DLG2: variants seen among roughly 807,000 people sequenced by gnomAD.
DLG2 encodes the protein discs large MAGUK scaffold protein 2, also known as disks large homolog 2.
In DLG2, 45 loss-of-function variants were observed where a neutral mutation model predicts 132.5. That is an observed-to-expected ratio of 0.34 (90% CI 0.27 to 0.44). The LOEUF (loss-of-function observed/expected upper bound fraction) is 0.44. Among genes scored for constraint, DLG2 ranks in the 20% least tolerant of loss-of-function variants. The pLI is 1.00. For synonymous variants in DLG2, 424 were observed against 419.6 expected, an observed-to-expected ratio of 1.01 and a Z score of -0.13; for missense variants, 1,045 against 1,196.9, an observed-to-expected ratio of 0.87 and a Z score of 1.87.
chr11:83,700,418 G>A (rs2082723223), intron 18 of DLG2, among the ~76,000 whole-genome samples: 1 of 152,148 alleles, frequency 6.6e-6, no homozygotes, highest in South Asian at 2.1e-4. Context: ...CCTAGGTCAT[G>A]CAGCTCTATT....
At chr11:84,366,117 G>A (rs1055367982) in intron 7 of DLG2, among the ~76,000 whole-genome samples, 9 of 152,094 alleles carry the variant, frequency 5.9e-5, no homozygotes, top group South Asian at 4.2e-4. Context: ...CGGATCTCTC[G>A]GCAGAAACTC....
chr11:84,098,519 G>T (rs1333346413), intron 10 of DLG2, among the ~76,000 whole-genome samples: 1 of 152,070 alleles, frequency 6.6e-6, no homozygotes, highest in Non-Finnish European at 1.5e-5. Flanking sequence ...CCCTATAAAT[G>T]GTTGCCGAAT....
intron 7 of DLG2, among the ~76,000 whole-genome samples, chr11:84,470,260 T>C (rs563598283): frequency 6.6e-6 from 1 of 151,814 alleles, no homozygotes; most frequent in South Asian, 2.1e-4. Flanking sequence ...GGTGATAGAA[T>C]TGGTAAGGAT....
At chr11:84,446,561 C>A (rs1452063575) in intron 7 of DLG2, among the ~76,000 whole-genome samples, 1 of 143,580 alleles carries the variant, frequency 7.0e-6, no homozygotes, top group Non-Finnish European at 1.5e-5. Flanking sequence ...AGTTTCATAT[C>A]AATTTTTTTT....
chr11:83,629,297 A>G (rs2063168772), intron 19 of DLG2, among the ~76,000 whole-genome samples: 1 of 152,180 alleles, frequency 6.6e-6, no homozygotes, highest in South Asian at 2.1e-4. Context: ...ATGTTTGATG[A>G]AGGTCTGAAT....
At chr11:85,468,580 A>G (rs1298460318) in intron 3 of DLG2, among the ~76,000 whole-genome samples, 1 of 152,206 alleles carries the variant, frequency 6.6e-6, no homozygotes, top group Admixed American at 6.5e-5. Context: ...CCCAGTAGTC[A>G]CACAGGAGCA....
intron 6 of DLG2, among the ~76,000 whole-genome samples, chr11:84,824,824 A>G (rs1378954064): frequency 6.6e-6 from 1 of 151,838 alleles, no homozygotes; most frequent in African/African-American, 2.4e-5. Context: ...AGACGCCCAC[A>G]GTGCATGTGT....
chr11:83,588,046 G>A (rs181146027), intron 19 of DLG2, among the ~76,000 whole-genome samples: 2,539 of 152,258 alleles, frequency 0.017, 60 homozygotes, highest in African/African-American at 0.059. Flanking sequence ...AGGCGGCAGC[G>A]AGGCTAGGGG....
intron 6 of DLG2, chr11:84,923,453 G>C: frequency 2.1e-6 from 2 of 970,002 alleles, no homozygotes; most frequent in South Asian, 4.9e-5. Flanking sequence ...GAAGGAGGGG[G>C]GAATGAGCTC....
At chr11:83,802,848 G>T (rs1459785373) in intron 17 of DLG2, among the ~76,000 whole-genome samples, 1 of 152,126 alleles carries the variant, frequency 6.6e-6, no homozygotes, top group African/African-American at 2.4e-5. Flanking sequence ...GTTACACAGT[G>T]AATTGATAAC....
intron 6 of DLG2, among the ~76,000 whole-genome samples, chr11:84,848,896 T>C (rs774026582): frequency 1.3e-5 from 2 of 152,230 alleles, no homozygotes; most frequent in Non-Finnish European, 2.9e-5. Context: ...TTTTCCACAC[T>C]GACTCAGGAC....
At chr11:83,607,818 A>T (rs1199227014) in intron 19 of DLG2, among the ~76,000 whole-genome samples, 1 of 152,238 alleles carries the variant, frequency 6.6e-6, no homozygotes, top group Non-Finnish European at 1.5e-5. Context: ...ACAAAACAAT[A>T]TGGATGGCTC....
In DLG2 at chr11:84,160,164, CATGAGTCTGG is replaced by C. The variant is rs575054039; in HGVS notation, c.624+3287_624+3296del. 5.7e-4 allele frequency among the ~76,000 whole-genome samples: 87 copies of C among 152,058 alleles called. No individual in the cohort carries two copies. The Middle Eastern group carries it at 0.01, about 18-fold the overall frequency. ...TCAGTTGACAGTTGGTATCTAAGGG[CATGAGTCTGG>C]ATGAGGCCATCTAGGGAATGAAGAA... On this transcript the variant is annotated intron_variant, in intron 9 of 27. Coordinates refer to ENST00000376104, the MANE Select transcript of DLG2 (RefSeq NM_001142699.3).
intron 4 of DLG2, among the ~76,000 whole-genome samples, chr11:85,203,206 T>C (rs2081597502): frequency 1.3e-5 from 2 of 151,344 alleles, no homozygotes; most frequent in African/African-American, 2.4e-5. Flanking sequence ...ATAAATGAAA[T>C]TGATACTAAA....
intron 7 of DLG2, among the ~76,000 whole-genome samples, chr11:84,441,969 T>C (rs955863842): frequency 6.6e-6 from 1 of 152,164 alleles, no homozygotes; most frequent in Non-Finnish European, 1.5e-5. Flanking sequence ...TCTGTCCCAT[T>C]GGTCTATATA....
intron 4 of DLG2, among the ~76,000 whole-genome samples, chr11:85,185,739 C>G (rs957513719): frequency 6.6e-6 from 1 of 151,814 alleles, no homozygotes; most frequent in Non-Finnish European, 1.5e-5. Flanking sequence ...TGCCATCATC[C>G]TCATCGAAAT....
At chr11:84,060,238 G>C (rs996894293) in intron 10 of DLG2, among the ~76,000 whole-genome samples, 2 of 152,114 alleles carry the variant, frequency 1.3e-5, no homozygotes, top group Non-Finnish European at 2.9e-5. Context: ...CTTGAATCCC[G>C]AGGGTGGAGG....
At chr11:84,125,510 CTG>C (rs1264743610) in intron 9 of DLG2, among the ~76,000 whole-genome samples, 11 of 152,084 alleles carry the variant, frequency 7.2e-5, no homozygotes, top group Non-Finnish European at 1.6e-4. Flanking sequence ...AGTTATGATG[CTG>C]AGGATCTTTA....
At chr11:84,531,431 G>T (rs1483514673) in intron 7 of DLG2, among the ~76,000 whole-genome samples, 2 of 152,142 alleles carry the variant, frequency 1.3e-5, no homozygotes, top group Non-Finnish European at 2.9e-5. Context: ...ATGATATGCA[G>T]TTTACCTATA....
Sources: allele counts gnomAD v4.1 joint callset (sites outside exome capture counted in the v4.1 genomes callset), GRCh38; gene constraint gnomAD v4.1.1; transcripts MANE v1.5; gene names NCBI Gene and HGNC (gene_info 2026-07-23, HGNC 2026-07-21).